Variants in PTAR1 observed in about 807,000 individuals in gnomAD.
PTAR1 encodes protein prenyltransferase alpha subunit repeat containing 1.
A neutral mutation model predicts 45.5 loss-of-function variants in PTAR1; 17 were observed. That is an observed-to-expected ratio of 0.37 (90% CI 0.26 to 0.56). The LOEUF (loss-of-function observed/expected upper bound fraction) is 0.56. PTAR1 is among the 20% of genes least tolerant of loss of function. The pLI, the probability that PTAR1 is intolerant of heterozygous loss-of-function variation, is 0.77. For synonymous variants in PTAR1, 169 were observed against 171.3 expected, an observed-to-expected ratio of 0.99 and a Z score of 0.11; for missense variants, 391 against 476.3, an observed-to-expected ratio of 0.82 and a Z score of 1.67.
intron 2 of PTAR1, among the ~76,000 whole-genome samples, chr9:69,746,050 CA>C (rs1826260776): frequency 6.6e-6 from 1 of 152,160 alleles, no homozygotes; most frequent in East Asian, 1.9e-4. Flanking sequence ...CATATACAAC[CA>C]TAGGCCCTTC....
At chr9:69,738,956 C>T (rs1036574871) in intron 3 of PTAR1, among the ~76,000 whole-genome samples, 7 of 151,974 alleles carry the variant, frequency 4.6e-5, no homozygotes, top group African/African-American at 1.7e-4. Context: ...TACACATGTG[C>T]ACTGACACGC....
chr9:69,759,984 G>A lies in PTAR1; in HGVS notation c.-46C>T, dbSNP rs759097756. 198 of 1,410,010 alleles carry A rather than the reference G, an allele frequency of 1.4e-4. 1 individual carries two copies. Among genetic ancestry groups the A allele is most frequent in the Non-Finnish European group, 1.8e-4 (193 of 1,071,246 alleles). The allele number at this position is 1,410,010 out of a possible 1,614,324, so 87.3% of individuals were successfully genotyped here. A position where few individuals can be genotyped will look rare whatever the true frequency, so the allele number is the denominator to read the frequency against. ...TTCGGGCGCGCCTCCGCGTGAGCCGGGCCGCCGGCGGGAGTTCCGCGGAGA... is the reference window on the plus strand; with the variant it reads ...TTCGGGCGCGCCTCCGCGTGAGCCGAGCCGCCGGCGGGAGTTCCGCGGAGA... On this transcript the variant is annotated 5_prime_UTR_variant, in exon 1 of 8. Coordinates refer to ENST00000340434, the MANE Select transcript of PTAR1 (RefSeq NM_001099666.2).
rs942713699 is a variant in PTAR1 at position 69,717,689 on chromosome 9, A to G, written c.*653T>C. ...TTCGGCATTCATACCAACATTCTTC[A>G]GTTGAACTGCAACATAAATGTTTAT... On this transcript the variant is annotated 3_prime_UTR_variant, in exon 8 of 8. Coordinates refer to ENST00000340434, the MANE Select transcript of PTAR1 (RefSeq NM_001099666.2). The G allele has an allele frequency of 1.3e-5, 2 of 152,186 alleles. No individual in the cohort carries two copies. The highest frequency in any genetic ancestry group is 4.8e-5 in the African/African-American group (2 of 41,446). 9.4% of individuals were successfully genotyped at this position (152,186 alleles called of 1,614,324 possible).
intron 2 of PTAR1, among the ~76,000 whole-genome samples, chr9:69,744,570 G>C (rs1346901245): frequency 1.3e-5 from 2 of 151,934 alleles, no homozygotes; most frequent in Non-Finnish European, 2.9e-5. Context: ...TATTTTAGTA[G>C]AGACGGTGTT....
intron 6 of PTAR1, among the ~76,000 whole-genome samples, chr9:69,721,984 C>T (rs1825032231): frequency 6.6e-6 from 1 of 151,900 alleles, no homozygotes; most frequent in African/African-American, 2.4e-5. Flanking sequence ...CTGAGGTATG[C>T]CAGTAGCTTA....
chr9:69,723,018 C>CA (rs1236855283), intron 6 of PTAR1, among the ~76,000 whole-genome samples: 1 of 150,034 alleles, frequency 6.7e-6, no homozygotes, highest in Non-Finnish European at 1.5e-5. Flanking sequence ...AGGAAGGAGT[C>CA]AAAAAAACTT....
intron 3 of PTAR1, among the ~76,000 whole-genome samples, chr9:69,740,206 T>C (rs981064116): frequency 4.7e-4 from 71 of 152,142 alleles, no homozygotes; most frequent in African/African-American, 1.7e-3. Context: ...TATAGGTGTG[T>C]GTGTGTATGT....
At chr9:69,735,271 C>T (rs1290764982) in intron 3 of PTAR1, among the ~76,000 whole-genome samples, 5 of 152,094 alleles carry the variant, frequency 3.3e-5, no homozygotes, top group Non-Finnish European at 5.9e-5. Flanking sequence ...CCCAAGGATA[C>T]CAAAATCTGC....
chr9:69,757,384 T>C (rs1175237740), intron 1 of PTAR1: 1 of 152,174 alleles, frequency 6.6e-6, no homozygotes. Context: ...GTCCAATATA[T>C]TTTTGGTGAG....
chr9:69,738,562 G>C (rs1825896059), intron 3 of PTAR1, among the ~76,000 whole-genome samples: 1 of 152,046 alleles, frequency 6.6e-6, no homozygotes, highest in Non-Finnish European at 1.5e-5. Flanking sequence ...AATCATTCCA[G>C]CTATGGCCAC....
Position 69,723,896 on chromosome 9 carries a change from C to T in PTAR1, c.643-266G>A, listed in dbSNP as rs553002053. Among the ~76,000 whole-genome samples, 8 of 152,092 alleles carry T rather than the reference C, an allele frequency of 5.3e-5. 1 individual carries two copies. Among genetic ancestry groups the T allele is most frequent in the African/African-American group, 1.9e-4 (8 of 41,496 alleles). Reference sequence around the variant, plus strand: ...TTGTCATCCTTTCCCTAGACCTTGACTACTCACATTCTGATTGGTACACAC... The same window carrying T: ...TTGTCATCCTTTCCCTAGACCTTGATTACTCACATTCTGATTGGTACACAC... On this transcript the variant is annotated intron_variant, in intron 5 of 7. Coordinates refer to ENST00000340434, the MANE Select transcript of PTAR1 (RefSeq NM_001099666.2).
At chr9:69,737,265 G>A (rs1825833580) in intron 3 of PTAR1, among the ~76,000 whole-genome samples, 1 of 151,836 alleles carries the variant, frequency 6.6e-6, no homozygotes, top group African/African-American at 2.4e-5. Context: ...ATTTTTGGTG[G>A]AGACAGGGTC....
chr9:69,760,004 C>G lies in PTAR1; in HGVS notation c.-66G>C. Reference sequence around the variant, plus strand: ...AGCCGGGCCGCCGGCGGGAGTTCCGCGGAGAACGAGCGCGCGCGCGCGCGC... The same window carrying G: ...AGCCGGGCCGCCGGCGGGAGTTCCGGGGAGAACGAGCGCGCGCGCGCGCGC... On this transcript the variant is annotated 5_prime_UTR_variant, in exon 1 of 8. Coordinates refer to ENST00000340434, the MANE Select transcript of PTAR1 (RefSeq NM_001099666.2). 1.5e-6 allele frequency: 2 copies of G among 1,323,852 alleles called. No homozygotes were observed. Among genetic ancestry groups the G allele is most frequent in the East Asian group, 3.6e-5 (1 of 27,808 alleles). The allele number at this position is 1,323,852 out of a possible 1,614,324, so 82.0% of individuals were successfully genotyped here.
intron 2 of PTAR1, among the ~76,000 whole-genome samples, chr9:69,748,675 T>C (rs1826384918): frequency 6.6e-6 from 1 of 152,152 alleles, no homozygotes; most frequent in South Asian, 2.1e-4. Context: ...ATATATTCTC[T>C]ATAACAAATA....
intron 3 of PTAR1, among the ~76,000 whole-genome samples, chr9:69,735,115 G>T (rs1406768941): frequency 6.6e-6 from 1 of 152,110 alleles, no homozygotes; most frequent in Non-Finnish European, 1.5e-5. Context: ...GATATACGAG[G>T]CCATTCCTTT....
intron 5 of PTAR1, among the ~76,000 whole-genome samples, chr9:69,724,214 G>C (rs1484851611): frequency 1.3e-5 from 2 of 152,110 alleles, no homozygotes; most frequent in Non-Finnish European, 2.9e-5. Flanking sequence ...TTTTTCAAGA[G>C]CTCGTGACTT....
At chr9:69,728,553 C>A (rs78919422) in intron 5 of PTAR1, among the ~76,000 whole-genome samples, 6,262 of 152,100 alleles carry the variant, frequency 0.041, 457 homozygotes, top group African/African-American at 0.14. Context: ...TGTGGTTTTG[C>A]TTTGCATTTC....
At chr9:69,731,848 TC>T (rs1230830575) in intron 5 of PTAR1, 25 of 405,344 alleles carry the variant, frequency 6.2e-5, no homozygotes, top group African/African-American at 5.1e-4. Flanking sequence ...GGCTTAATAA[TC>T]CCTTCCTGTT....
At position 69,711,651 on chromosome 9, in the gene PTAR1, CTA is replaced by C. The variant is rs796447846; in HGVS notation, c.*6689_*6690del. ...TTGCAGAAGACTACAGCAGTTCTCT[CTA>C]GAGTTCAGCCAGCTGCTTATTAAGA... On this transcript the variant is annotated 3_prime_UTR_variant, in exon 8 of 8. Transcript: ENST00000340434. 1.8e-4 allele frequency: 27 copies of C among 152,274 alleles called. No individual in the cohort carries two copies. Among genetic ancestry groups the C allele is most frequent in the African/African-American group, 5.8e-4 (24 of 41,572 alleles). The allele number at this position is 152,274 out of a possible 1,614,324, so 9.4% of individuals were successfully genotyped here. A position where few individuals can be genotyped will look rare whatever the true frequency, so the allele number is the denominator to read the frequency against.
Sources: gnomAD v4.1 joint callset for allele counts (sites outside exome capture counted in the v4.1 genomes callset) on GRCh38, gnomAD v4.1.1 for gene constraint, MANE v1.5 for transcripts, NCBI Gene and HGNC (gene_info 2026-07-23, HGNC 2026-07-21) for gene names.